The following B3GALT1 variants were observed in gnomAD, a reference collection of about 807,000 sequenced individuals.
B3GALT1 encodes beta-1,3-galactosyltransferase 1.
A neutral mutation model predicts 23.2 loss-of-function variants in B3GALT1; 10 were observed. The observed-to-expected ratio is 0.43, with a 90% CI of 0.27 to 0.73. The LOEUF (loss-of-function observed/expected upper bound fraction) is 0.73. Among genes scored for constraint, B3GALT1 ranks in the 30% least tolerant of loss-of-function variants. The pLI is 0.21. For synonymous variants in B3GALT1, 156 were observed against 141.5 expected (o/e 1.10, Z -0.73); for missense variants, 299 against 405.4 (o/e 0.74, Z 2.25).
At chr2:167,808,999 C>T (rs1220927104) in intron 3 of B3GALT1, among the ~76,000 whole-genome samples, 7 of 152,064 alleles carry the variant, frequency 4.6e-5, no homozygotes, top group African/African-American at 1.7e-4. Flanking sequence ...ATTCTTTTTT[C>T]TCTAAACTTC....
chr2:167,582,109 T>C (rs1431897), intron 2 of B3GALT1, among the ~76,000 whole-genome samples: 11,540 of 151,842 alleles, frequency 0.076, 898 homozygotes, highest in East Asian at 0.42. Context: ...TCTCCCAGAT[T>C]ATAGAAACTG....
chr2:167,321,203 A>T (rs1005937284), intron 1 of B3GALT1, among the ~76,000 whole-genome samples: 5 of 152,040 alleles, frequency 3.3e-5, no homozygotes, highest in African/African-American at 1.2e-4. Flanking sequence ...TTACAGAAAA[A>T]ACCTAAGAAA....
intron 3 of B3GALT1, among the ~76,000 whole-genome samples, chr2:167,669,996 G>T (rs564886151): frequency 6.6e-6 from 1 of 152,210 alleles, no homozygotes; most frequent in Non-Finnish European, 1.5e-5. Flanking sequence ...CTACCTGAGA[G>T]ACTTCATGAA....
intron 3 of B3GALT1, among the ~76,000 whole-genome samples, chr2:167,748,752 C>T (rs1687689912): frequency 6.6e-6 from 1 of 152,154 alleles, no homozygotes; most frequent in African/African-American, 2.4e-5. Context: ...GTGTTTGAGA[C>T]TTGCTTTTAA....
chr2:167,664,050 GAATGGT>G (rs1686125656), intron 3 of B3GALT1, among the ~76,000 whole-genome samples: 1 of 150,922 alleles, frequency 6.6e-6, no homozygotes, highest in Non-Finnish European at 1.5e-5. Context: ...CCTATGTCCT[GAATGGT>G]AATGCCTAGG....
chr2:167,348,426 A>G (rs1697258125), intron 1 of B3GALT1, among the ~76,000 whole-genome samples: 1 of 152,206 alleles, frequency 6.6e-6, no homozygotes, highest in Non-Finnish European at 1.5e-5. Flanking sequence ...TTTCATGCAT[A>G]GATAAAACTT....
At chr2:167,841,395 A>T (rs1426184312) in intron 4 of B3GALT1, among the ~76,000 whole-genome samples, 2 of 152,204 alleles carry the variant, frequency 1.3e-5, no homozygotes, top group Non-Finnish European at 2.9e-5. Flanking sequence ...CTCAGGGTCT[A>T]AATGGAGACC....
chr2:167,595,822 G>A (rs1281663173), intron 2 of B3GALT1, among the ~76,000 whole-genome samples: 2 of 152,212 alleles, frequency 1.3e-5, no homozygotes, highest in Admixed American at 1.3e-4. Context: ...AGACTCATGT[G>A]AGAGAGATTA....
intron 3 of B3GALT1, among the ~76,000 whole-genome samples, chr2:167,688,322 A>C (rs1248104810): frequency 6.6e-6 from 1 of 152,236 alleles, no homozygotes; most frequent in Non-Finnish European, 1.5e-5. Flanking sequence ...CAGATCTGGC[A>C]TAATGTGAGA....
intron 2 of B3GALT1, among the ~76,000 whole-genome samples, chr2:167,618,253 A>T (rs1427638999): frequency 6.6e-6 from 1 of 152,076 alleles, no homozygotes; most frequent in East Asian, 1.9e-4. Context: ...TCTGAGAAAC[A>T]TATTGGACCA....
At chr2:167,861,822 T>G (rs2105432333) in intron 4 of B3GALT1, among the ~76,000 whole-genome samples, 1 of 152,302 alleles carries the variant, frequency 6.6e-6, no homozygotes, top group Middle Eastern at 3.4e-3. Flanking sequence ...ATCTACTTCA[T>G]TTGTAGATTT....
intron 3 of B3GALT1, among the ~76,000 whole-genome samples, chr2:167,765,722 C>A (rs1687967050): frequency 1.3e-5 from 2 of 152,190 alleles, no homozygotes; most frequent in East Asian, 1.9e-4. Context: ...CATAAAAATT[C>A]TTTTTACCCC....
intron 1 of B3GALT1, among the ~76,000 whole-genome samples, chr2:167,377,827 GTTAATA>G (rs1697788660): frequency 6.6e-6 from 1 of 152,088 alleles, no homozygotes; most frequent in African/African-American, 2.4e-5. Flanking sequence ...TACAGTCAAG[GTTAATA>G]TTAATATGTG....
chr2:167,713,825 A>G lies in B3GALT1; in HGVS notation c.-352+66859A>G, dbSNP rs1687101010. 10 of 1,592,760 alleles carry G rather than the reference A, an allele frequency of 6.3e-6. No individual in the cohort carries two copies. The African/African-American group carries it at 6.7e-5, about 11-fold the overall frequency. On this transcript the variant is annotated intron_variant, in intron 3 of 4. Coordinates refer to ENST00000392690, the MANE Select transcript of B3GALT1 (RefSeq NM_020981.4). ...CTGTGGATAGATGTTTCTCATTGCA[A>G]ATGGAGCATGTGGTGGACCTGGGAA...
chr2:167,293,619 G>A (rs1339844733), intron 1 of B3GALT1, among the ~76,000 whole-genome samples: 1 of 152,178 alleles, frequency 6.6e-6, no homozygotes, highest in South Asian at 2.1e-4. Flanking sequence ...AGCGAGAACA[G>A]TGGGTCCCCT....
At position 167,545,324 on chromosome 2, in the gene B3GALT1, CG is replaced by C. The variant is rs201703605; in HGVS notation, c.-410+55049del. Among the ~76,000 whole-genome samples, 436 of 152,116 alleles carry C rather than the reference CG, an allele frequency of 2.9e-3. 16 individuals carry two copies. In the East Asian group the frequency reaches 0.064, roughly 22 times the overall value. On this transcript the variant is annotated intron_variant, in intron 2 of 4. Coordinates refer to ENST00000392690, the MANE Select transcript of B3GALT1 (RefSeq NM_020981.4). ...TGCTGGGATTACAGGCGTGAGCCACCGGCCCGGTGTGCCTTGGGTGTCTTAT... is the reference window on the plus strand; with the variant it reads ...TGCTGGGATTACAGGCGTGAGCCACCGCCCGGTGTGCCTTGGGTGTCTTAT...
At chr2:167,844,893 G>A (rs1336086417) in intron 4 of B3GALT1, among the ~76,000 whole-genome samples, 1 of 152,116 alleles carries the variant, frequency 6.6e-6, no homozygotes, top group African/African-American at 2.4e-5. Context: ...ACAGACTGGG[G>A]GCTGTTAGGG....
At position 167,548,685 on chromosome 2, in the gene B3GALT1, A is replaced by AGAGTGT. The variant is rs1553466241; in HGVS notation, c.-410+58409_-410+58410insAGTGTG. Among the ~76,000 whole-genome samples the AGAGTGT allele has an allele frequency of 4.8e-5, 7 of 144,812 alleles. No homozygotes were observed. The South Asian group carries it at 8.9e-4, about 18-fold the overall frequency. On this transcript the variant is annotated intron_variant, in intron 2 of 4. Transcript: ENST00000392690. Reference sequence around the variant, plus strand: ...GATTGCCTGTCCAGACGTGTGTGTGAGTGTGTGTGTGTGTGTGTGTGTGTG... The same window carrying AGAGTGT: ...GATTGCCTGTCCAGACGTGTGTGTGAGAGTGTGTGTGTGTGTGTGTGTGTGTGTGTG...
At chr2:167,513,068 CAAAAAAAAAA>C (rs544667836) in intron 2 of B3GALT1, among the ~76,000 whole-genome samples, 3 of 72,538 alleles carry the variant, frequency 4.1e-5, no homozygotes, top group Admixed American at 3.1e-4. Flanking sequence ...ATTCATGCCA[CAAAAAAAAAA>C]AAAAAAAAAA....
Sources: allele counts gnomAD v4.1 joint callset (sites outside exome capture counted in the v4.1 genomes callset), GRCh38; gene constraint gnomAD v4.1.1; transcripts MANE v1.5; gene names NCBI Gene and HGNC (gene_info 2026-07-23, HGNC 2026-07-21).